Variants in USP6NL observed in about 807,000 individuals in gnomAD.
USP6NL encodes USP6 N-terminal like, also known as USP6 N-terminal-like protein.
USP6NL carries 26 observed loss-of-function variants against 61.9 expected under a neutral mutation model. That is an observed-to-expected ratio of 0.42 (90% CI 0.31 to 0.58). The LOEUF (loss-of-function observed/expected upper bound fraction) is 0.58, where lower values mean the gene tolerates loss of function less well. Among genes scored for constraint, USP6NL ranks in the 20% least tolerant of loss-of-function variants. USP6NL has a pLI of 0.16. For synonymous variants in USP6NL, 432 were observed against 390.1 expected, an observed-to-expected ratio of 1.11 and a Z score of -1.27; for missense variants, 1,114 against 1,034.3, an observed-to-expected ratio of 1.08 and a Z score of -1.06.
At chr10:11,521,757 CAG>C (rs991680908) in intron 4 of USP6NL, among the ~76,000 whole-genome samples, 6 of 152,196 alleles carry the variant, frequency 3.9e-5, no homozygotes, top group Non-Finnish European at 7.3e-5. Flanking sequence ...CAGTAAACTA[CAG>C]AGAGTCTGCT....
At chr10:11,565,874 A>C (rs995498729) in intron 2 of USP6NL, among the ~76,000 whole-genome samples, 22 of 152,108 alleles carry the variant, frequency 1.4e-4, no homozygotes, top group Non-Finnish European at 5.9e-5. Flanking sequence ...TTACTTGAAC[A>C]AACGTAGTTT....
chr10:11,492,974 C>T (rs1833763419), intron 8 of USP6NL, 145 bp downstream of exon 8: 1 of 610,150 alleles, frequency 1.6e-6, no homozygotes, highest in Non-Finnish European at 2.7e-6. Flanking sequence ...TTAAGTTTCA[C>T]ACAACATGGA....
At chr10:11,533,474 C>A (rs1006067265) in intron 2 of USP6NL, among the ~76,000 whole-genome samples, 5 of 152,170 alleles carry the variant, frequency 3.3e-5, no homozygotes, top group African/African-American at 1.2e-4. Flanking sequence ...TCAGAGATTG[C>A]CCTGCATCAT....
At chr10:11,568,985 A>G (rs1045056753) in intron 2 of USP6NL, among the ~76,000 whole-genome samples, 3 of 152,224 alleles carry the variant, frequency 2.0e-5, no homozygotes, top group Non-Finnish European at 4.4e-5. Flanking sequence ...GATTGGGTGG[A>G]CAATGAACAC....
chr10:11,556,650 C>T (rs1836716830), intron 2 of USP6NL, among the ~76,000 whole-genome samples: 1 of 152,054 alleles, frequency 6.6e-6, no homozygotes, highest in African/African-American at 2.4e-5. Flanking sequence ...ACAAAGCCGA[C>T]TTAGGCAATA....
chr10:11,595,344 AG>A lies in USP6NL; in HGVS notation c.4+2286del, dbSNP rs1428575774. On this transcript the variant is annotated intron_variant, in intron 2 of 14. Transcript: ENST00000609104. The surrounding 1 kb of genome is among the most constrained non-coding windows in gnomAD (Gnocchi z 5.3). ...TCCTATGGGGAAAACTGTAAATAAAAGTTTTCCCTAGGAATCAGGGTCAAGA... is the reference window on the plus strand; with the variant it reads ...TCCTATGGGGAAAACTGTAAATAAAATTTTCCCTAGGAATCAGGGTCAAGA... Among the ~76,000 whole-genome samples, 5 of 152,168 alleles carry A rather than the reference AG, an allele frequency of 3.3e-5. No homozygotes were observed. The highest frequency in any genetic ancestry group is 9.7e-5 in the African/African-American group (4 of 41,438).
At chr10:11,515,854 A>G (rs1228938004) in intron 5 of USP6NL, among the ~76,000 whole-genome samples, 1 of 152,176 alleles carries the variant, frequency 6.6e-6, no homozygotes, top group Non-Finnish European at 1.5e-5. Context: ...TTTTTACAGA[A>G]CACCCTGACA....
chr10:11,523,988 T>A, intron 4 of USP6NL, among the ~76,000 whole-genome samples: 1 of 152,322 alleles, frequency 6.6e-6, no homozygotes, highest in East Asian at 1.9e-4. Flanking sequence ...TTGTCCTTCA[T>A]ACCCCAGATC....
intron 1 of USP6NL, among the ~76,000 whole-genome samples, chr10:11,608,803 T>C (rs1838787956): frequency 6.6e-6 from 1 of 152,236 alleles, no homozygotes; most frequent in Admixed American, 6.5e-5. Context: ...GAAATGAGCT[T>C]TTAAAAATTG....
chr10:11,463,380 T>G lies in USP6NL; in HGVS notation c.1548A>C (p.Ala516=). 6.2e-7 allele frequency: 1 copy of G among 1,614,066 alleles called. No individual in the cohort carries two copies. The highest frequency in any genetic ancestry group is 8.5e-7 in the Non-Finnish European group (1 of 1,179,898). ...CCTCGGCAGGACCTGGGACGGTAAC[T>G]GCGAGCGCGGGGTGCGCTGCTCGAC... is the stretch of plus-strand genomic sequence containing the variant. The part of the protein sequence containing the change: ...GKGRAAHPAL[A]VTVPGPAEVR... Residue 516 remains alanine, a synonymous_variant, in exon 15 of 15, where the codon GCA becomes GCC. Transcript: ENST00000609104. This position sits in a 1 kb window ranked among gnomAD's most constrained non-coding sequence, Gnocchi z 6.3.
At chr10:11,500,385 T>A (rs979073502) in intron 7 of USP6NL, among the ~76,000 whole-genome samples, 1 of 152,198 alleles carries the variant, frequency 6.6e-6, no homozygotes, top group Non-Finnish European at 1.5e-5. Context: ...TCCCATTTAT[T>A]CCACATTAAT....
chr10:11,608,011 T>C (rs2133695555), intron 1 of USP6NL, among the ~76,000 whole-genome samples: 1 of 152,308 alleles, frequency 6.6e-6, no homozygotes, highest in East Asian at 1.9e-4. Context: ...CTCCTGATCT[T>C]TCTGTAGGCA....
intron 2 of USP6NL, among the ~76,000 whole-genome samples, chr10:11,593,565 T>G (rs1588419059): frequency 1.3e-5 from 2 of 152,344 alleles, no homozygotes; most frequent in East Asian, 3.9e-4. Context: ...CAACAATTTA[T>G]GTACTAAAAA....
Position 11,598,008 on chromosome 10 carries a change from T to A in USP6NL, c.-83-291A>T, listed in dbSNP as rs1838385549. 6.6e-6 allele frequency among the ~76,000 whole-genome samples: 1 copy of A among 152,176 alleles called. No individual in the cohort carries two copies. The highest frequency in any genetic ancestry group is 1.5e-5 in the Non-Finnish European group (1 of 68,032). On this transcript the variant is annotated intron_variant, in intron 1 of 14. Transcript: ENST00000609104. The surrounding 1 kb of genome is among the most constrained non-coding windows in gnomAD (Gnocchi z 4.7). ...CCTTCGTCTTCAACACTAAAAACATTTCTTCCCCATTCCCAGCTAAGAAAA... is the reference window on the plus strand; with the variant it reads ...CCTTCGTCTTCAACACTAAAAACATATCTTCCCCATTCCCAGCTAAGAAAA...
Position 11,597,492 on chromosome 10 carries a change from G to C in USP6NL, c.4+139C>G. 1.2e-6 allele frequency: 1 copy of C among 800,276 alleles called. No individual in the cohort carries two copies. The highest frequency in any genetic ancestry group is 2.0e-6 in the Non-Finnish European group (1 of 493,540). 49.6% of individuals were successfully genotyped at this position (800,276 alleles called of 1,614,324 possible). On this transcript the variant is annotated intron_variant, in intron 2 of 14. Transcript: ENST00000609104. The surrounding 1 kb of genome is among the most constrained non-coding windows in gnomAD (Gnocchi z 4.6). ...CCTTGTCTTAACACAGACAAGCGCA[G>C]AGTGCTGGGTGGAACCACATTCAAA... is the stretch of plus-strand genomic sequence containing the variant.
chr10:11,486,770 G>T (rs1379185902), intron 10 of USP6NL, among the ~76,000 whole-genome samples: 1 of 152,128 alleles, frequency 6.6e-6, no homozygotes, highest in Non-Finnish European at 1.5e-5. Flanking sequence ...TAATGTTCTT[G>T]CCTTTTAGAC....
intron 1 of USP6NL, among the ~76,000 whole-genome samples, chr10:11,606,391 G>T (rs1389712743): frequency 6.6e-6 from 1 of 152,174 alleles, no homozygotes; most frequent in Non-Finnish European, 1.5e-5. Context: ...CACATGGAAG[G>T]TCAGGTAATG....
chr10:11,559,578 T>G (rs1320952683), intron 2 of USP6NL, among the ~76,000 whole-genome samples: 1 of 152,134 alleles, frequency 6.6e-6, no homozygotes, highest in Non-Finnish European at 1.5e-5. Context: ...CATACATATA[T>G]ATATATCATC....
intron 7 of USP6NL, among the ~76,000 whole-genome samples, chr10:11,497,484 C>T (rs929147758): frequency 6.6e-6 from 1 of 150,786 alleles, no homozygotes; most frequent in Admixed American, 6.6e-5. Flanking sequence ...TGTTGTTCTA[C>T]AGGCTTCCTT....
Sources: allele counts gnomAD v4.1 joint callset (sites outside exome capture counted in the v4.1 genomes callset), GRCh38; gene constraint gnomAD v4.1.1; non-coding constraint Gnocchi (gnomAD v3.1); transcripts MANE v1.5; gene names NCBI Gene and HGNC (gene_info 2026-07-23, HGNC 2026-07-21).